The following BEGAIN variants were observed in gnomAD, a reference collection of about 807,000 sequenced individuals.
BEGAIN encodes brain enriched guanylate kinase associated.
In BEGAIN, 19 loss-of-function variants were observed where a neutral mutation model predicts 35.8. The ratio of observed to expected loss-of-function variants is 0.53; its 90% CI spans 0.37 to 0.78. The LOEUF (loss-of-function observed/expected upper bound fraction) is 0.78. BEGAIN is among the 30% of genes least tolerant of loss of function. The probability of loss-of-function intolerance (pLI) is 0.00; values close to 1 mark genes in which losing one functional copy is unlikely to be tolerated. For synonymous variants in BEGAIN, 462 were observed against 388.6 expected (o/e 1.19, Z -2.22); for missense variants, 795 against 853.6 (o/e 0.93, Z 0.85).
At chr14:100,585,817 G>C (rs1428350270) in intron 1 of BEGAIN, among the ~76,000 whole-genome samples, 1 of 152,194 alleles carries the variant, frequency 6.6e-6, no homozygotes, top group Non-Finnish European at 1.5e-5. Flanking sequence ...GACGACAAAC[G>C]GAACGCGGAG....
chr14:100,539,444 C>A, intron 6 of BEGAIN, 129 bp from the exon 7 acceptor site: 1 of 1,424,188 alleles, frequency 7.0e-7, no homozygotes, highest in East Asian at 2.5e-5. Context: ...CGGGGGCCTC[C>A]CGGCTTCTCA....
chr14:100,579,023 G>A (rs553613853), intron 1 of BEGAIN, among the ~76,000 whole-genome samples: 12 of 152,160 alleles, frequency 7.9e-5, no homozygotes, highest in African/African-American at 2.9e-4. Flanking sequence ...ACCATGCCTG[G>A]CTAATTTTTG....
At position 100,539,137 on chromosome 14, in the gene BEGAIN, C is replaced by T. The variant is rs778462887; in HGVS notation, c.671G>A (p.Arg224His). ...LSSRLSDASA[R>H]DLAFCDGVEK... is the part of the protein sequence containing the mutation. ...CACCCCGTCGCAGAAGGCCAGGTCG[C>T]GGGCGGAGGCATCGGACAGGCGGGA... The change falls in exon 7 of 7, where the codon CGC (arginine) becomes CAC (histidine). Residue 224 changes from arginine (R) to histidine (H), a missense_variant. This residue lies in a region of BEGAIN where 664 missense variants were observed against 647.7 expected (regional missense o/e 1.03). Transcript: ENST00000554140. The T allele has an allele frequency of 2.5e-6, 4 of 1,602,876 alleles. No homozygotes were observed. The highest frequency in any genetic ancestry group is 4.5e-5 in the East Asian group (2 of 44,638).
At position 100,568,410 on chromosome 14, in the gene BEGAIN, C is replaced by T. The variant is rs930208262; in HGVS notation, c.43-471G>A. Reference sequence around the variant, plus strand: ...CCGAGTCGGAGAATGTTGGGGAATTCGGGGCCGTGCAGGATTGCAGAACCT... The same window carrying T: ...CCGAGTCGGAGAATGTTGGGGAATTTGGGGCCGTGCAGGATTGCAGAACCT... On this transcript the variant is annotated intron_variant, in intron 1 of 6. Coordinates refer to ENST00000554140, the MANE Select transcript of BEGAIN (RefSeq NM_001385089.1). The surrounding 1 kb of genome is among the most constrained non-coding windows in gnomAD (Gnocchi z 7.5). The T allele has an allele frequency of 2.4e-6, 3 of 1,269,366 alleles. No homozygotes were observed. The highest frequency in any genetic ancestry group is 1.5e-5 in the African/African-American group (1 of 64,992). 78.6% of individuals were successfully genotyped at this position (1,269,366 alleles called of 1,614,324 possible). A position where few individuals can be genotyped will look rare whatever the true frequency, so the allele number is the denominator to read the frequency against.
At chr14:100,541,827 G>C (rs1031941360) in intron 5 of BEGAIN, among the ~76,000 whole-genome samples, 21 of 152,232 alleles carry the variant, frequency 1.4e-4, no homozygotes, top group Non-Finnish European at 2.5e-4. Context: ...AGCCTTTCCT[G>C]AGCAGCCGCA....
At chr14:100,570,691 T>A (rs78154681) in intron 1 of BEGAIN, among the ~76,000 whole-genome samples, 1 of 151,878 alleles carries the variant, frequency 6.6e-6, no homozygotes, top group South Asian at 2.1e-4. Context: ...AGGGAGAAGA[T>A]AGCAGGGAAG....
chr14:100,574,664 G>A (rs921440616), intron 1 of BEGAIN, among the ~76,000 whole-genome samples: 1 of 152,150 alleles, frequency 6.6e-6, no homozygotes, highest in African/African-American at 2.4e-5. Context: ...AACAGTCAGC[G>A]GGGCTGGGAA....
At chr14:100,562,052 A>AGT (rs2034302243) in intron 2 of BEGAIN, among the ~76,000 whole-genome samples, 1 of 152,196 alleles carries the variant, frequency 6.6e-6, no homozygotes, top group Admixed American at 6.5e-5. Context: ...AGTGAGAATT[A>AGT]GTCCATAAGA....
At chr14:100,570,250 G>C (rs1409906526) in intron 1 of BEGAIN, among the ~76,000 whole-genome samples, 1 of 152,204 alleles carries the variant, frequency 6.6e-6, no homozygotes, top group East Asian at 1.9e-4. Context: ...AAAAGGCCTG[G>C]ATGGGAATTC....
In BEGAIN at chr14:100,538,725, G is replaced by T; in HGVS notation, c.1083C>A (p.Thr361=). ...TGGCAAAGCGAGGGCTGCCCTCGTA[G>T]GTGGTGGCGGGTGGCTTGCGGTCGA... ...ELFDRKPPAT[T]YEGSPRFAKA... Residue 361 remains threonine (T), a synonymous_variant, in exon 7 of 7, where the codon ACC becomes ACA. Coordinates refer to ENST00000554140, the MANE Select transcript of BEGAIN (RefSeq NM_001385089.1). 2 of 1,567,516 alleles carry T rather than the reference G, an allele frequency of 1.3e-6. No individual in the cohort carries two copies. The highest frequency in any genetic ancestry group is 1.7e-6 in the Non-Finnish European group (2 of 1,156,870).
chr14:100,572,917 G>GA (rs1399375773), intron 1 of BEGAIN, among the ~76,000 whole-genome samples: 2 of 152,034 alleles, frequency 1.3e-5, no homozygotes, highest in Non-Finnish European at 2.9e-5. Flanking sequence ...TGTTCTGGGG[G>GA]ATTCAGCACT....
chr14:100,538,446 A>G lies in BEGAIN; in HGVS notation c.1362T>C (p.Ala454=). The G allele has an allele frequency of 6.3e-7, 1 of 1,589,156 alleles. No individual in the cohort carries two copies. The highest frequency in any genetic ancestry group is 1.1e-5 in the South Asian group (1 of 88,278). Reference sequence around the variant, plus strand: ...AGCTGCAGGGTGAGGCGCGGCCGGCAGCGCTCACGGGGTAGGAGTAGGCGC... The same window carrying G: ...AGCTGCAGGGTGAGGCGCGGCCGGCGGCGCTCACGGGGTAGGAGTAGGCGC... ...DIGAYSYPVS[A]AGRASPCSFS... Residue 454 remains alanine, a synonymous_variant, in exon 7 of 7, where the codon GCT becomes GCC. Coordinates refer to ENST00000554140, the MANE Select transcript of BEGAIN (RefSeq NM_001385089.1).
intron 1 of BEGAIN, among the ~76,000 whole-genome samples, chr14:100,578,722 A>G (rs1045156755): frequency 1.3e-5 from 2 of 152,194 alleles, no homozygotes; most frequent in East Asian, 3.8e-4. Flanking sequence ...TGTGGCAGCC[A>G]TTTTGCACCA....
intron 1 of BEGAIN, among the ~76,000 whole-genome samples, chr14:100,572,362 C>T (rs2035103715): frequency 6.6e-6 from 1 of 152,198 alleles, no homozygotes; most frequent in Non-Finnish European, 1.5e-5. Flanking sequence ...AGTGAGCCCA[C>T]CTCTGCAGGG....
In BEGAIN at chr14:100,546,656, C is replaced by G; in HGVS notation, c.78G>C (p.Leu26=). 1 of 1,564,946 alleles carries G rather than the reference C, an allele frequency of 6.4e-7. No homozygotes were observed. The highest frequency in any genetic ancestry group is 1.2e-5 in the South Asian group (1 of 86,668). The change falls in exon 3 of 7, where the codon CTG becomes CTC. Residue 26 remains leucine, a synonymous_variant. Transcript: ENST00000554140. ...TGCGCAGCTCGCCCTTCTGCTCCTGCAGCGCGCTGCAACGACATGGCGGCG... is the reference window on the plus strand; with the variant it reads ...TGCGCAGCTCGCCCTTCTGCTCCTGGAGCGCGCTGCAACGACATGGCGGCG... The part of the protein sequence containing the change: ...SAADMEKLSA[L]QEQKGELRKR...
intron 2 of BEGAIN, among the ~76,000 whole-genome samples, chr14:100,564,421 G>A (rs912714645): frequency 5.3e-5 from 8 of 152,058 alleles, no homozygotes; most frequent in African/African-American, 1.9e-4. Flanking sequence ...TAGAAAAAGG[G>A]GCTGCCCAGC....
At position 100,583,471 on chromosome 14, in the gene BEGAIN, TCAG is replaced by T. The variant is rs2035363921; in HGVS notation, c.42+3775_42+3777del. Among the ~76,000 whole-genome samples, 9 of 152,180 alleles carry T rather than the reference TCAG, an allele frequency of 5.9e-5. No individual in the cohort carries two copies. The South Asian group carries it at 1.9e-3, about 32-fold the overall frequency. The stretch of plus-strand genomic sequence containing the variant: ...TCATCTACCAATCTTGCCTTGTGTA[TCAG>T]AAGTCTCCCTCCCTCCACCCATGTA... On this transcript the variant is annotated intron_variant, in intron 1 of 6. Coordinates refer to ENST00000554140, the MANE Select transcript of BEGAIN (RefSeq NM_001385089.1).
chr14:100,555,927 C>T (rs899732307), intron 2 of BEGAIN, among the ~76,000 whole-genome samples: 8 of 152,190 alleles, frequency 5.3e-5, no homozygotes, highest in Non-Finnish European at 7.4e-5. Flanking sequence ...ATCACCATGG[C>T]CGCTGGCTGT....
chr14:100,539,092 G>T lies in BEGAIN; in HGVS notation c.716C>A (p.Pro239His). The T allele has an allele frequency of 6.2e-7, 1 of 1,611,288 alleles. No individual in the cohort carries two copies. Among genetic ancestry groups the T allele is most frequent in the Non-Finnish European group, 8.5e-7 (1 of 1,178,678 alleles). ...GCAGTAGATGTCTCCCTTGTAGGGG[G>T]GCCGCGGGCCTGGTTTCTCCACCCC... The part of the protein sequence containing the change: ...CDGVEKPGPR[P>H]PYKGDIYCSD... The change falls in exon 7 of 7, where the codon CCC becomes CAC. Residue 239 changes from proline (P) to histidine (H), a missense_variant. Physicochemically the swap from Pro to His is moderately conservative, Grantham distance 77. Around this residue, in one of 3 missense-constraint regions of BEGAIN, gnomAD observed 664 missense variants for 647.7 expected, o/e 1.03. Coordinates refer to ENST00000554140, the MANE Select transcript of BEGAIN (RefSeq NM_001385089.1).
Sources: gnomAD v4.1 joint callset for allele counts (sites outside exome capture counted in the v4.1 genomes callset) on GRCh38, gnomAD v4.1.1 for gene constraint, gnomAD v4.1.1 regional missense constraint, Gnocchi (gnomAD v3.1) non-coding constraint, MANE v1.5 for transcripts, NCBI Gene and HGNC (gene_info 2026-07-23, HGNC 2026-07-21) for gene names.